The following GPR89A variants were observed in gnomAD, a reference collection of about 807,000 sequenced individuals.
The protein encoded by GPR89A is G protein-coupled receptor 89A.
In GPR89A, 16 loss-of-function variants were observed where a neutral mutation model predicts 52.0. The observed-to-expected ratio is 0.31, with a 90% CI of 0.21 to 0.47. GPR89A has a LOEUF of 0.47. Ranked by LOEUF, GPR89A falls within the 20% of genes least tolerant of loss-of-function variation. The pLI, the probability that GPR89A is intolerant of heterozygous loss-of-function variation, is 1.00. For synonymous variants in GPR89A, 55 were observed against 150.9 expected (o/e 0.36, Z 4.66); for missense variants, 135 against 449.4 (o/e 0.30, Z 6.33).
chr1:145,625,176 G>C (rs1158772127), intron 5 of GPR89A, among the ~76,000 whole-genome samples: 4 of 151,770 alleles, frequency 2.6e-5, no homozygotes, highest in Admixed American at 2.6e-4. Flanking sequence ...TTTAAAATAA[G>C]AATAACTTTC....
intron 1 of GPR89A, among the ~76,000 whole-genome samples, chr1:145,609,752 A>G (rs1648120283): frequency 6.6e-6 from 1 of 152,154 alleles, no homozygotes; most frequent in Non-Finnish European, 1.5e-5. Flanking sequence ...ATAGACTTTC[A>G]CTTCACACAT....
intron 2 of GPR89A, among the ~76,000 whole-genome samples, chr1:145,617,509 A>G (rs770428907): frequency 8.5e-5 from 13 of 152,076 alleles, no homozygotes; most frequent in Non-Finnish European, 1.8e-4. Context: ...AGACAGTCAT[A>G]AGAAATTTAA....
In GPR89A at chr1:145,647,279, AT is replaced by A; in HGVS notation, c.909+17del. 6.4e-7 allele frequency: 1 copy of A among 1,563,472 alleles called. No homozygotes were observed. ...GGAAAATTTTCATGGTAAGTATGTTATTTTTAATTATCAGAGTTTAGATGTT... is the reference window on the plus strand; with the variant it reads ...GGAAAATTTTCATGGTAAGTATGTTATTTTAATTATCAGAGTTTAGATGTT... On this transcript the variant is annotated intron_variant, in intron 10 of 13. Coordinates refer to ENST00000313835, the MANE Select transcript of GPR89A (RefSeq NM_001097612.2).
intron 10 of GPR89A, among the ~76,000 whole-genome samples, chr1:145,656,566 A>G (rs1651823031): frequency 6.6e-6 from 1 of 152,194 alleles, no homozygotes; most frequent in Admixed American, 6.5e-5. Context: ...CATTCTTGAT[A>G]GGAGCAGCCA....
intron 5 of GPR89A, among the ~76,000 whole-genome samples, chr1:145,624,704 CCAA>C (rs1649375560): frequency 1.6e-5 from 2 of 124,850 alleles, no homozygotes; most frequent in East Asian, 4.5e-4. Context: ...AGAGAAATAC[CCAA>C]CTATGCCACA....
chr1:145,666,809 C>CT (rs1177309878), intron 12 of GPR89A, among the ~76,000 whole-genome samples: 1 of 149,682 alleles, frequency 6.7e-6, no homozygotes, highest in Non-Finnish European at 1.5e-5. Context: ...CAGTGTTTGG[C>CT]TTTTTGTCCT....
At chr1:145,666,171 A>G (rs1652538680) in intron 12 of GPR89A, among the ~76,000 whole-genome samples, 1 of 143,092 alleles carries the variant, frequency 7.0e-6, no homozygotes, top group South Asian at 2.4e-4. Flanking sequence ...ATAGATAAGT[A>G]CATTCACTAA....
intron 10 of GPR89A, among the ~76,000 whole-genome samples, chr1:145,648,927 C>G (rs1456566170): frequency 1.3e-5 from 2 of 151,418 alleles, no homozygotes; most frequent in East Asian, 3.9e-4. Flanking sequence ...GCCTTAGGCT[C>G]CCAAGTAGCT....
intron 7 of GPR89A, among the ~76,000 whole-genome samples, chr1:145,639,333 A>G (rs1381023636): frequency 3.9e-5 from 6 of 152,236 alleles, no homozygotes; most frequent in African/African-American, 1.2e-4. Flanking sequence ...TACAATTTTT[A>G]AAAAGAACAG....
intron 5 of GPR89A, among the ~76,000 whole-genome samples, chr1:145,624,548 G>A (rs1190936842): frequency 1.3e-5 from 2 of 151,190 alleles, no homozygotes; most frequent in Non-Finnish European, 2.9e-5. Flanking sequence ...TCACCATCCT[G>A]CCGTACCTAT....
At chr1:145,656,561 T>C in intron 10 of GPR89A, among the ~76,000 whole-genome samples, 1 of 152,286 alleles carries the variant, frequency 6.6e-6, no homozygotes. Flanking sequence ...GTTTTCATTC[T>C]TGATAGGAGC....
At chr1:145,662,513 T>C (rs1652270420) in intron 10 of GPR89A, among the ~76,000 whole-genome samples, 3 of 152,046 alleles carry the variant, frequency 2.0e-5, no homozygotes, top group African/African-American at 7.2e-5. Context: ...AAGGAATATA[T>C]AGTTGGGTCT....
chr1:145,660,805 A>T (rs1207137026), intron 10 of GPR89A, among the ~76,000 whole-genome samples: 1 of 150,068 alleles, frequency 6.7e-6, no homozygotes, highest in East Asian at 1.9e-4. Context: ...GTCAGGAAAC[A>T]ACAGGTGCTG....
At chr1:145,642,272 A>G (rs1348973853) in intron 7 of GPR89A, among the ~76,000 whole-genome samples, 2 of 152,150 alleles carry the variant, frequency 1.3e-5, no homozygotes, top group Non-Finnish European at 2.9e-5. Context: ...AATGAGTGGA[A>G]TAGAACCCTT....
intron 5 of GPR89A, among the ~76,000 whole-genome samples, chr1:145,629,829 G>GC (rs1401674131): frequency 6.6e-6 from 1 of 151,882 alleles, no homozygotes; most frequent in Non-Finnish European, 1.5e-5. Flanking sequence ...AGGAATGGAG[G>GC]CCAGTAGTCA....
intron 3 of GPR89A, among the ~76,000 whole-genome samples, chr1:145,621,640 A>G (rs1468620456): frequency 6.6e-6 from 1 of 150,716 alleles, no homozygotes; most frequent in Non-Finnish European, 1.5e-5. Flanking sequence ...GTGAACCAAC[A>G]TTCCAAAAAC....
At chr1:145,639,567 C>T (rs587721673) in intron 7 of GPR89A, among the ~76,000 whole-genome samples, 13 of 150,020 alleles carry the variant, frequency 8.7e-5, no homozygotes, top group Non-Finnish European at 1.5e-4. Context: ...ACCAATATGG[C>T]GAAACCCCGT....
intron 7 of GPR89A, among the ~76,000 whole-genome samples, chr1:145,634,556 T>C (rs1553690423): frequency 6.6e-6 from 1 of 150,984 alleles, no homozygotes; most frequent in Non-Finnish European, 1.5e-5. Context: ...TGGGATTTCA[T>C]AGAAATCTAT....
At chr1:145,641,343 G>C (rs1650641187) in intron 7 of GPR89A, among the ~76,000 whole-genome samples, 1 of 151,926 alleles carries the variant, frequency 6.6e-6, no homozygotes, top group African/African-American at 2.4e-5. Flanking sequence ...CCAGAATTAA[G>C]GAATTGGAGG....
Sources: gnomAD v4.1 joint callset for allele counts (sites outside exome capture counted in the v4.1 genomes callset) on GRCh38, gnomAD v4.1.1 for gene constraint, MANE v1.5 for transcripts, NCBI Gene and HGNC (gene_info 2026-07-23, HGNC 2026-07-21) for gene names.